The following MYH14 variants were observed in gnomAD, a reference collection of about 807,000 sequenced individuals.
The protein encoded by MYH14 is myosin heavy chain 14.
A neutral mutation model predicts 255.5 loss-of-function variants in MYH14; 123 were observed. The ratio of observed to expected loss-of-function variants is 0.48; its 90% confidence interval spans 0.42 to 0.56. The LOEUF (loss-of-function observed/expected upper bound fraction) is 0.56, where lower values mean the gene tolerates loss of function less well. Ranked by LOEUF, MYH14 falls within the 20% of genes least tolerant of loss-of-function variation. MYH14 has a pLI of 0.00. For synonymous variants in MYH14, 1,095 were observed against 1,161.2 expected (o/e 0.94, Z 1.16); for missense variants, 2,423 against 2,802.3 (o/e 0.86, Z 3.06).
At chr19:50,225,729 G>A in intron 7 of MYH14, 52 bp downstream of exon 7, 1 of 1,434,048 alleles carries the variant, frequency 7.0e-7, no homozygotes, top group Non-Finnish European at 9.8e-7. Flanking sequence ...CAGGAGCTGG[G>A]AACCTCAGGG....
chr19:50,203,842 G>A (rs1213010778), intron 1 of MYH14, among the ~76,000 whole-genome samples, 171 bp downstream of exon 1: 1 of 151,736 alleles, frequency 6.6e-6, no homozygotes, highest in Non-Finnish European at 1.5e-5. Context: ...GGCGGCGAGG[G>A]AGGTGGGGGG....
chr19:50,261,957 C>G (rs1670723), intron 21 of MYH14, among the ~76,000 whole-genome samples: 41,673 of 152,008 alleles, frequency 0.27, 6,030 homozygotes, highest in East Asian at 0.53. Flanking sequence ...CGGGGCAACC[C>G]AGGTCAAGCT....
chr19:50,272,527 G>A, intron 26 of MYH14, 33 bp from the exon 27 acceptor site: 1 of 1,553,078 alleles, frequency 6.4e-7, no homozygotes, highest in Non-Finnish European at 8.7e-7. Context: ...CAGGCCTGGA[G>A]TCCTCATGCA....
intron 40 of MYH14, among the ~76,000 whole-genome samples, chr19:50,305,879 C>T (rs2123489344): frequency 6.6e-6 from 1 of 152,286 alleles, no homozygotes; most frequent in East Asian, 1.9e-4. Context: ...CTGCAGTGAG[C>T]CATGATCACA....
chr19:50,279,556 C>G (rs957838830), intron 30 of MYH14, among the ~76,000 whole-genome samples: 3 of 152,146 alleles, frequency 2.0e-5, no homozygotes, highest in Admixed American at 6.6e-5. Context: ...TCACTTGCAC[C>G]TGGGAGGCGG....
Position 50,280,420 on chromosome 19 carries a change from G to A in MYH14, c.4290+37G>A. 1.3e-6 allele frequency: 2 copies of A among 1,488,032 alleles called. No individual in the cohort carries two copies. Among genetic ancestry groups the A allele is most frequent in the South Asian group, 2.7e-5 (2 of 74,870 alleles). The allele number at this position is 1,488,032 out of a possible 1,614,324, so 92.2% of individuals were successfully genotyped here. Reference sequence around the variant, plus strand: ...TACGTAAGACCTTCAGGGAGGCACAGCCCCCCTCACTGCTCCTCCTGGGTT... The same window carrying A: ...TACGTAAGACCTTCAGGGAGGCACAACCCCCCTCACTGCTCCTCCTGGGTT... On this transcript the variant is annotated intron_variant, in intron 32 of 42. Coordinates refer to ENST00000642316, the MANE Select transcript of MYH14 (RefSeq NM_001145809.2). The surrounding 1 kb of genome is among the most constrained non-coding windows in gnomAD (Gnocchi z 4.8).
chr19:50,224,575 C>A (rs1380229977), intron 6 of MYH14, among the ~76,000 whole-genome samples: 1 of 152,130 alleles, frequency 6.6e-6, no homozygotes, highest in Non-Finnish European at 1.5e-5. Context: ...CTAGCTAGAT[C>A]ATTTCATCTT....
chr19:50,242,854 T>A (rs182428478), intron 10 of MYH14, among the ~76,000 whole-genome samples: 6 of 152,260 alleles, frequency 3.9e-5, no homozygotes, highest in Admixed American at 6.5e-5. Flanking sequence ...CTGGTTTCAG[T>A]TCTCATACTG....
At position 50,249,793 on chromosome 19, in the gene MYH14, G is replaced by A. The variant is rs727504565; in HGVS notation, c.1626G>A (p.Leu542=). ...CCTTCCTCGACTTTGGCCTCGACCTGCAGCCCTGCATCGACCTCATCGAGC... is the reference window on the plus strand; with the variant it reads ...CCTTCCTCGACTTTGGCCTCGACCTACAGCCCTGCATCGACCTCATCGAGC... ...PWTFLDFGLD[L]QPCIDLIERP... The change falls in exon 14 of 43, where the codon CTG becomes CTA. Residue 542 remains leucine (L), a synonymous_variant. Coordinates refer to ENST00000642316, the MANE Select transcript of MYH14 (RefSeq NM_001145809.2). 7.6e-5 allele frequency: 123 copies of A among 1,614,086 alleles called. No homozygotes were observed. Among genetic ancestry groups the A allele is most frequent in the Non-Finnish European group, 1.0e-4 (119 of 1,180,052 alleles).
In MYH14 at chr19:50,309,819, G is replaced by T; in HGVS notation, c.*29G>T. 1 of 1,396,542 alleles carries T rather than the reference G, an allele frequency of 7.2e-7. No individual in the cohort carries two copies. The highest frequency in any genetic ancestry group is 9.6e-7 in the Non-Finnish European group (1 of 1,043,898). The allele number at this position is 1,396,542 out of a possible 1,614,324, so 86.5% of individuals were successfully genotyped here. On this transcript the variant is annotated 3_prime_UTR_variant, in exon 43 of 43. Coordinates refer to ENST00000642316, the MANE Select transcript of MYH14 (RefSeq NM_001145809.2). ...TACCCTGTCCCCAGATGCACTAACA[G>T]ATGGGGCCCAGCCCCCTTCCTCCCT...
intron 10 of MYH14, among the ~76,000 whole-genome samples, chr19:50,238,363 G>C (rs553146368): frequency 3.3e-5 from 5 of 152,372 alleles, no homozygotes; most frequent in African/African-American, 1.2e-4. Context: ...GGTCTAAGCT[G>C]ATGTTAAGGA....
intron 27 of MYH14, 143 bp downstream of exon 27, chr19:50,272,874 T>C (rs1311140971): frequency 6.3e-6 from 5 of 793,140 alleles, no homozygotes; most frequent in Non-Finnish European, 9.9e-6. Flanking sequence ...CCTCCGAGCC[T>C]CAGTGTCCCC....
Position 50,276,042 on chromosome 19 carries a change from G to T in MYH14, c.3519G>T (p.Glu1173Asp). Residue 1173 changes from glutamate (E) to aspartate (D), a missense_variant, in exon 28 of 43, where the codon GAG (glutamate) becomes GAT (aspartate). Physicochemically the swap from Glu to Asp is conservative, Grantham distance 45. Around this residue, in one of 3 missense-constraint regions of MYH14, gnomAD observed 1,513 missense variants for 1,674.8 expected, o/e 0.90. Transcript: ENST00000642316. The surrounding 1 kb of genome is among the most constrained non-coding windows in gnomAD (Gnocchi z 4.3). ...ARAQLLKSLREAQAALAEAQE... is the reference protein window; with the variant it reads ...ARAQLLKSLRDAQAALAEAQE... ...CCCAGCTGCTGAAATCCCTGCGGGAGGCTCAAGCAGCCCTGGCCGAGGCCC... is the reference window on the plus strand; with the variant it reads ...CCCAGCTGCTGAAATCCCTGCGGGATGCTCAAGCAGCCCTGGCCGAGGCCC... 1 of 1,612,784 alleles carries T rather than the reference G, an allele frequency of 6.2e-7. No homozygotes were observed. Among genetic ancestry groups the T allele is most frequent in the Non-Finnish European group, 8.5e-7 (1 of 1,179,682 alleles).
At position 50,257,365 on chromosome 19, in the gene MYH14, G is replaced by A. The variant is rs748496477; in HGVS notation, c.2111G>A (p.Arg704His). The change falls in exon 18 of 43, where the codon CGT (arginine) becomes CAT (histidine). Residue 704 changes from arginine to histidine, a missense_variant. By Grantham distance (29) the Arg-to-His change is conservative. This residue lies in a region of MYH14 where 672 missense variants were observed against 881.8 expected (regional missense o/e 0.76). Transcript: ENST00000642316. ...GACGGCCCACCAGGTGGCCGCCCCCGTCGGGGTATGTTCCGGACAGTGGGA... is the reference window on the plus strand; with the variant it reads ...GACGGCCCACCAGGTGGCCGCCCCCATCGGGGTATGTTCCGGACAGTGGGA... Reference protein sequence around the residue: ...LGDGPPGGRPRRGMFRTVGQL... With the variant: ...LGDGPPGGRPHRGMFRTVGQL... The A allele has an allele frequency of 1.2e-5, 20 of 1,608,372 alleles. No homozygotes were observed. The highest frequency in any genetic ancestry group is 4.5e-5 in the East Asian group (2 of 44,720).
intron 33 of MYH14, among the ~76,000 whole-genome samples, chr19:50,284,357 T>TTTTG (rs1032886557): frequency 4.6e-5 from 7 of 151,858 alleles, no homozygotes; most frequent in African/African-American, 4.8e-5. Context: ...CTTGTTTTCT[T>TTTTG]TTTGTTTGTT....
intron 10 of MYH14, among the ~76,000 whole-genome samples, chr19:50,240,326 C>G (rs1417450386): frequency 6.6e-6 from 1 of 152,208 alleles, no homozygotes; most frequent in Non-Finnish European, 1.5e-5. Flanking sequence ...TGCCTGTAAT[C>G]CCAGCACTTT....
intron 26 of MYH14, among the ~76,000 whole-genome samples, chr19:50,272,238 T>C (rs1353527523): frequency 6.6e-6 from 1 of 152,138 alleles, no homozygotes; most frequent in East Asian, 1.9e-4. Flanking sequence ...TGTTTTTGTC[T>C]CCCTGTCCCT....
In MYH14 at chr19:50,278,171, G is replaced by C; in HGVS notation, c.3914G>C (p.Arg1305Pro). Residue 1305 changes from arginine (R) to proline (P), a missense_variant, in exon 30 of 43, where the codon CGT (arginine) becomes CCT (proline). Arg to Pro is a moderately radical substitution (Grantham distance 103, BLOSUM62 -2). This residue lies in a region of MYH14 where 1,513 missense variants were observed against 1,674.8 expected (regional missense o/e 0.90). Coordinates refer to ENST00000642316, the MANE Select transcript of MYH14 (RefSeq NM_001145809.2). ...RAELSSLQTARQEGEQRRRRL... is the reference protein window; with the variant it reads ...RAELSSLQTAPQEGEQRRRRL... ...GAACTGAGCAGCCTGCAGACTGCAC[G>C]TCAGGAGGGTGAGCAGCGGAGGCGC... 6.2e-7 allele frequency: 1 copy of C among 1,612,928 alleles called. No homozygotes were observed. The highest frequency in any genetic ancestry group is 8.5e-7 in the Non-Finnish European group (1 of 1,179,432).
intron 8 of MYH14, among the ~76,000 whole-genome samples, chr19:50,227,921 G>A (rs945390602): frequency 2.6e-5 from 4 of 152,154 alleles, no homozygotes; most frequent in Non-Finnish European, 5.9e-5. Context: ...GGATTTTGGA[G>A]TTAAATGCTT....
Sources: allele counts gnomAD v4.1 joint callset (sites outside exome capture counted in the v4.1 genomes callset), GRCh38; gene constraint gnomAD v4.1.1; regional missense constraint gnomAD v4.1.1; non-coding constraint Gnocchi (gnomAD v3.1); transcripts MANE v1.5; gene names NCBI Gene and HGNC (gene_info 2026-07-23, HGNC 2026-07-21).